The following ANK1 variants were observed in gnomAD, a reference collection of about 807,000 sequenced individuals.
ANK1 encodes ankyrin 1.
In ANK1, 51 loss-of-function variants were observed where a neutral mutation model predicts 210.4. That is an observed-to-expected ratio of 0.24 (90% confidence interval 0.19 to 0.31). The LOEUF is 0.31. ANK1 is among the 10% of genes least tolerant of loss of function. ANK1 has a pLI of 1.00. For missense variants in ANK1, 2,051 were observed against 2,504.4 expected, an observed-to-expected ratio of 0.82 and a Z score of 3.86; for synonymous variants, 967 against 1,025.9, an observed-to-expected ratio of 0.94 and a Z score of 1.10.
intron 1 of ANK1, among the ~76,000 whole-genome samples, chr8:41,794,316 G>A (rs776581781): frequency 1.7e-4 from 26 of 152,164 alleles, no homozygotes; most frequent in Non-Finnish European, 2.8e-4. Context: ...CTGGCCTCCC[G>A]GTTATTCCCA....
At chr8:41,749,355 T>C (rs1837078869) in intron 2 of ANK1, among the ~76,000 whole-genome samples, 1 of 145,252 alleles carries the variant, frequency 6.9e-6, no homozygotes, top group Non-Finnish European at 1.5e-5. Context: ...TGGAGTGCAG[T>C]GGCACAATCT....
intron 2 of ANK1, among the ~76,000 whole-genome samples, chr8:41,744,536 C>CTTTTT (rs3063769): frequency 2.4e-5 from 3 of 125,486 alleles, no homozygotes; most frequent in Admixed American, 1.6e-4. Flanking sequence ...GATTTCTTTT[C>CTTTTT]TTTTTTTTTT....
At chr8:41,696,838 G>A in intron 24 of ANK1, 65 bp from the exon 25 acceptor site, 2 of 1,472,732 alleles carry the variant, frequency 1.4e-6, no homozygotes, top group Non-Finnish European at 1.9e-6. Flanking sequence ...CCGTGCCAGG[G>A]CGTGGAGGCT....
chr8:41,784,578 T>G (rs909166090), intron 1 of ANK1, among the ~76,000 whole-genome samples: 6 of 152,252 alleles, frequency 3.9e-5, no homozygotes, highest in African/African-American at 1.4e-4. Flanking sequence ...AGAAACATTT[T>G]GGACACTTTT....
rs553125441 is a variant in ANK1, at chr8:41,704,353, G to A, written c.2196+21C>T. On this transcript the variant is annotated intron_variant, in intron 19 of 42. Coordinates refer to ENST00000289734, the MANE Select transcript of ANK1 (RefSeq NM_000037.4). The surrounding 1 kb of genome is among the most constrained non-coding windows in gnomAD (Gnocchi z 4.1). Reference sequence around the variant, plus strand: ...ATGGAGAAGGGTCAGTGCAGGAGTCGGGGCTGGGGCACCCCTGTACCTTGG... The same window carrying A: ...ATGGAGAAGGGTCAGTGCAGGAGTCAGGGCTGGGGCACCCCTGTACCTTGG... The A allele has an allele frequency of 8.1e-6, 13 of 1,608,006 alleles. No homozygotes were observed. Among genetic ancestry groups the A allele is most frequent in the East Asian group, 4.5e-5 (2 of 44,848 alleles).
At chr8:41,708,140 G>C (rs1368596413) in intron 17 of ANK1, among the ~76,000 whole-genome samples, 2 of 152,154 alleles carry the variant, frequency 1.3e-5, no homozygotes, top group Non-Finnish European at 2.9e-5. Context: ...TTGAATTGTA[G>C]AGTTTGAAAG....
intron 1 of ANK1, among the ~76,000 whole-genome samples, chr8:41,784,262 A>G (rs1202505211): frequency 6.6e-6 from 1 of 151,750 alleles, no homozygotes; most frequent in African/African-American, 2.4e-5. Flanking sequence ...CACTCTCTCT[A>G]CCCCATTCTC....
intron 1 of ANK1, among the ~76,000 whole-genome samples, chr8:41,843,394 T>C (rs1458431011): frequency 6.6e-6 from 1 of 151,616 alleles, no homozygotes; most frequent in Non-Finnish European, 1.5e-5. Context: ...TTCTCTTCAT[T>C]TCCCCCCCAC....
chr8:41,763,917 GC>G, intron 1 of ANK1, among the ~76,000 whole-genome samples: 1 of 101,570 alleles, frequency 9.8e-6, no homozygotes, highest in East Asian at 2.9e-4. Flanking sequence ...TTTTTTTTGG[GC>G]TTCTCCAGGC....
At chr8:41,755,457 G>A (rs1838890724) in intron 2 of ANK1, among the ~76,000 whole-genome samples, 1 of 152,224 alleles carries the variant, frequency 6.6e-6, no homozygotes. Context: ...CTGAAGGTGT[G>A]ATTCACCTCC....
chr8:41,743,766 C>G (rs1474546516), intron 2 of ANK1, among the ~76,000 whole-genome samples: 12 of 152,158 alleles, frequency 7.9e-5, no homozygotes, highest in Admixed American at 7.2e-4. Context: ...ATTCCGAGCA[C>G]TGGGCTGGAA....
chr8:41,857,253 C>T (rs941909663), intron 1 of ANK1, among the ~76,000 whole-genome samples: 1 of 151,016 alleles, frequency 6.6e-6, no homozygotes, highest in African/African-American at 2.4e-5. Flanking sequence ...ACTTTGAACC[C>T]CTCTTTGACT....
rs776829174 is a variant in ANK1 at position 41,672,581 on chromosome 8, G to A, written c.4869C>T (p.Asp1623=). ...TTGTGGCATCTGAATCCACTGTGTCGTCCTCCACAAGTTCCAGAGAGCCCA... is the reference window on the plus strand; with the variant it reads ...TTGTGGCATCTGAATCCACTGTGTCATCCTCCACAAGTTCCAGAGAGCCCA... ...PELGSLELVE[D]DTVDSDATNG... is the part of the protein sequence containing the mutation. Residue 1623 remains aspartate (D), a synonymous_variant, in exon 38 of 43, where the codon GAC becomes GAT. Transcript: ENST00000289734. 1.1e-5 allele frequency: 18 copies of A among 1,614,066 alleles called. No individual in the cohort carries two copies. Among genetic ancestry groups the A allele is most frequent in the Middle Eastern group, 1.6e-4 (1 of 6,062 alleles).
intron 42 of ANK1, among the ~76,000 whole-genome samples, chr8:41,658,885 TC>T (rs1272063009): frequency 1.3e-5 from 2 of 149,330 alleles, no homozygotes; most frequent in African/African-American, 2.5e-5. Context: ...AGAGCGAGAC[TC>T]CCTCTCAAAA....
At chr8:41,660,254 A>C (rs1336017559) in intron 42 of ANK1, among the ~76,000 whole-genome samples, 4 of 152,134 alleles carry the variant, frequency 2.6e-5, no homozygotes. Flanking sequence ...TATATTGGGA[A>C]GCCCAGAGTC....
In ANK1 at chr8:41,694,383, T is replaced by C. The variant is rs1017457418; in HGVS notation, c.3327+209A>G. Reference sequence around the variant, plus strand: ...GCACAGACTGGGCCGTGCAGCTTGATGGGTTACCAGGGGTTCTGCAACTTA... The same window carrying C: ...GCACAGACTGGGCCGTGCAGCTTGACGGGTTACCAGGGGTTCTGCAACTTA... On this transcript the variant is annotated intron_variant, in intron 28 of 42. Transcript: ENST00000289734. The surrounding 1 kb of genome is among the most constrained non-coding windows in gnomAD (Gnocchi z 5.7). Among the ~76,000 whole-genome samples, 1 of 152,232 alleles carries C rather than the reference T, an allele frequency of 6.6e-6. No individual in the cohort carries two copies. Among genetic ancestry groups the C allele is most frequent in the African/African-American group, 2.4e-5 (1 of 41,460 alleles).
chr8:41,832,397 C>T (rs556346680), intron 1 of ANK1, among the ~76,000 whole-genome samples: 10 of 152,128 alleles, frequency 6.6e-5, no homozygotes, highest in African/African-American at 1.2e-4. Context: ...GGTCAGAATG[C>T]GTCCCCTCAC....
intron 1 of ANK1, among the ~76,000 whole-genome samples, chr8:41,767,423 C>T (rs187967954): frequency 0.03 from 4,570 of 151,992 alleles, 105 homozygotes; most frequent in Non-Finnish European, 0.046. Context: ...CTCCCGCTCC[C>T]CCTCCCGGTT....
intron 1 of ANK1, among the ~76,000 whole-genome samples, chr8:41,884,440 ATCTGGTCACCACTGCAT>A (rs1818100175): frequency 6.6e-6 from 1 of 152,174 alleles, no homozygotes; most frequent in East Asian, 1.9e-4. Flanking sequence ...GTGGGAAGGG[ATCTGGTCACCACTGCAT>A]CCAGCGTCCC....
Sources: gnomAD v4.1 joint callset for allele counts (sites outside exome capture counted in the v4.1 genomes callset) on GRCh38, gnomAD v4.1.1 for gene constraint, Gnocchi (gnomAD v3.1) non-coding constraint, MANE v1.5 for transcripts, NCBI Gene and HGNC (gene_info 2026-07-23, HGNC 2026-07-21) for gene names.